MON2: variants seen among roughly 807,000 people sequenced by gnomAD.
MON2 encodes MON2 regulator of endosome-to-Golgi trafficking.
MON2 carries 84 observed loss-of-function variants against 208.6 expected under a neutral mutation model. The ratio of observed to expected loss-of-function variants is 0.40; its 90% CI spans 0.34 to 0.48. The LOEUF (loss-of-function observed/expected upper bound fraction) is 0.48, where lower values mean the gene tolerates loss of function less well. Ranked by LOEUF, MON2 falls within the 20% of genes least tolerant of loss-of-function variation. The pLI is 0.59. For missense variants in MON2, 1,611 were observed against 2,015.4 expected (o/e 0.80, Z 3.84); for synonymous variants, 660 against 694.0 (o/e 0.95, Z 0.77).
chr12:62,501,434 A>C, intron 6 of MON2, 139 bp from the exon 7 acceptor site: 2 of 871,718 alleles, frequency 2.3e-6, no homozygotes, highest in Non-Finnish European at 3.4e-6. Context: ...TCAAAATTGG[A>C]ATTACCAGTG....
intron 3 of MON2, among the ~76,000 whole-genome samples, chr12:62,494,604 G>T (rs1252292389): frequency 6.6e-6 from 1 of 152,128 alleles, no homozygotes; most frequent in African/African-American, 2.4e-5. Context: ...GTGCCAATGT[G>T]TTGTTAATAT....
chr12:62,529,367 A>T (rs2072506825), intron 11 of MON2, among the ~76,000 whole-genome samples: 1 of 152,158 alleles, frequency 6.6e-6, no homozygotes, highest in African/African-American at 2.4e-5. Context: ...TACATATTAA[A>T]AAAGTAGAGT....
intron 29 of MON2, among the ~76,000 whole-genome samples, chr12:62,566,726 G>A (rs950084601): frequency 6.4e-5 from 9 of 141,562 alleles, no homozygotes; most frequent in African/African-American, 2.1e-4. Context: ...ATCACACACC[G>A]GGGCCTGTTG....
At chr12:62,482,074 G>A (rs2069478242) in intron 1 of MON2, among the ~76,000 whole-genome samples, 1 of 152,176 alleles carries the variant, frequency 6.6e-6, no homozygotes, top group Admixed American at 6.5e-5. Flanking sequence ...ACTAGATACT[G>A]CTTTCACTAT....
chr12:62,529,112 T>G (rs1335778123), intron 11 of MON2, among the ~76,000 whole-genome samples: 2 of 152,188 alleles, frequency 1.3e-5, no homozygotes, highest in Non-Finnish European at 2.9e-5. Context: ...CAGTATTTGG[T>G]TTTCTGTTCC....
At chr12:62,487,532 C>G (rs1395254593) in intron 2 of MON2, among the ~76,000 whole-genome samples, 1 of 151,802 alleles carries the variant, frequency 6.6e-6, no homozygotes, top group Non-Finnish European at 1.5e-5. Flanking sequence ...GACTTTTGTT[C>G]TTTTTTCACA....
chr12:62,544,703 G>A, intron 20 of MON2, 195 bp from the exon 21 acceptor site: 1 of 1,380,426 alleles, frequency 7.2e-7, no homozygotes, highest in South Asian at 1.3e-5. Flanking sequence ...TCTTCTCTGT[G>A]AATTGTTTTA....
chr12:62,508,556 C>T lies in MON2; in HGVS notation c.984+76C>T, dbSNP rs142321979. On this transcript the variant is annotated intron_variant, in intron 8 of 34. Transcript: ENST00000393630. The stretch of plus-strand genomic sequence containing the variant: ...CTTTGTAAAAAGTGGTCTGTTGTAG[C>T]GCATTTAGTTTTTTCAATTCAGTTC... The T allele has an allele frequency of 1.4e-3, 1,913 of 1,359,842 alleles. 5 individuals are homozygous for T. The highest frequency in any genetic ancestry group is 1.7e-3 in the Non-Finnish European group (1,637 of 957,714). 84.2% of individuals were successfully genotyped at this position (1,359,842 alleles called of 1,614,324 possible).
intron 11 of MON2, among the ~76,000 whole-genome samples, chr12:62,530,035 A>G (rs2136207215): frequency 6.6e-6 from 1 of 152,150 alleles, no homozygotes; most frequent in South Asian, 2.1e-4. Flanking sequence ...TATGCAATAG[A>G]TTATTGTTAA....
intron 3 of MON2, 43 bp downstream of exon 3, chr12:62,494,085 C>T (rs1421993633): frequency 1.3e-6 from 2 of 1,535,366 alleles, no homozygotes. Flanking sequence ...AGAGTTGAAT[C>T]AGAAGTTTTC....
intron 1 of MON2, among the ~76,000 whole-genome samples, chr12:62,468,331 C>T (rs1465341997): frequency 1.3e-5 from 2 of 151,990 alleles, no homozygotes; most frequent in Non-Finnish European, 2.9e-5. Context: ...CCACAGCGCC[C>T]GGCTGTTTTT....
At position 62,585,503 on chromosome 12, in the gene MON2, T is replaced by C; in HGVS notation, c.4907+2T>C. 1 of 1,559,968 alleles carries C rather than the reference T, an allele frequency of 6.4e-7. No individual in the cohort carries two copies. Among genetic ancestry groups the C allele is most frequent in the Non-Finnish European group, 8.7e-7 (1 of 1,144,986 alleles). On this transcript the variant is annotated splice_donor_variant, in intron 33 of 34. Coordinates refer to ENST00000393630, the MANE Select transcript of MON2 (RefSeq NM_015026.3). LOFTEE classifies it high-confidence loss of function. ...AAGTGGTAAATGCCCTCTTCCAAGG[T>C]ATATATTTCATTTTATTAAAGAAAT...
chr12:62,581,578 T>A (rs956042248), intron 32 of MON2, among the ~76,000 whole-genome samples: 1 of 152,070 alleles, frequency 6.6e-6, no homozygotes, highest in African/African-American at 2.4e-5. Flanking sequence ...TATATATGAT[T>A]TAAAAACTAC....
At chr12:62,571,670 A>T (rs1403462552) in intron 30 of MON2, 88 bp downstream of exon 30, 36 of 1,079,858 alleles carry the variant, frequency 3.3e-5, no homozygotes. Context: ...ATTCATTAAC[A>T]AAGTAATTGA....
intron 32 of MON2, among the ~76,000 whole-genome samples, chr12:62,584,876 C>T (rs2075144948): frequency 6.6e-6 from 1 of 151,508 alleles, no homozygotes; most frequent in African/African-American, 2.4e-5. Context: ...AAAGAAGTTG[C>T]TAGGAGAGGG....
intron 19 of MON2, among the ~76,000 whole-genome samples, chr12:62,539,118 C>A (rs965255380): frequency 6.6e-6 from 1 of 151,992 alleles, no homozygotes; most frequent in Non-Finnish European, 1.5e-5. Context: ...AATAATTAAA[C>A]AAAATACTTT....
At chr12:62,568,142 G>T (rs1004519006) in intron 29 of MON2, among the ~76,000 whole-genome samples, 11 of 152,156 alleles carry the variant, frequency 7.2e-5, no homozygotes, top group African/African-American at 2.7e-4. Flanking sequence ...GGTTAAAAAG[G>T]GGGAGGCAGG....
At chr12:62,467,834 T>C (rs2068590793) in intron 1 of MON2, among the ~76,000 whole-genome samples, 1 of 152,172 alleles carries the variant, frequency 6.6e-6, no homozygotes, top group Non-Finnish European at 1.5e-5. Flanking sequence ...ATATTGAAGA[T>C]CCACATAATC....
rs765075272 is a variant in MON2, at chr12:62,538,267, G to T, written c.2215G>T (p.Val739Leu). 1 of 1,613,418 alleles carries T rather than the reference G, an allele frequency of 6.2e-7. No individual in the cohort carries two copies. Among genetic ancestry groups the T allele is most frequent in the Non-Finnish European group, 8.5e-7 (1 of 1,179,474 alleles). Reference sequence around the variant, plus strand: ...TTCTTCTCAGGTTCTAACAACAGCAGTGATGACAGATTTACCAGTGATTTC... The same window carrying T: ...TTCTTCTCAGGTTCTAACAACAGCATTGATGACAGATTTACCAGTGATTTC... Reference protein sequence around the residue: ...EGPSTVLTTAVMTDLPVISNI... With the variant: ...EGPSTVLTTALMTDLPVISNI... The change falls in exon 18 of 35, where the codon GTG (valine) becomes TTG (leucine). Residue 739 changes from valine (V) to leucine (L), a missense_variant. Val to Leu is a conservative substitution (Grantham distance 32). Transcript: ENST00000393630.
Sources: gnomAD v4.1 joint callset for allele counts (sites outside exome capture counted in the v4.1 genomes callset) on GRCh38, gnomAD v4.1.1 for gene constraint, MANE v1.5 for transcripts, NCBI Gene and HGNC (gene_info 2026-07-23, HGNC 2026-07-21) for gene names.